PCNX2: variants seen among roughly 807,000 people sequenced by gnomAD.
PCNX2 encodes the protein pecanex-like protein 2.
Under a neutral mutation model 223.8 loss-of-function variants are expected in PCNX2, and 168 were observed. The observed-to-expected ratio is 0.75, with a 90% confidence interval of 0.66 to 0.85. The LOEUF is 0.85. Among genes scored for constraint, PCNX2 ranks in the 40% least tolerant of loss-of-function variants. PCNX2 has a pLI of 0.00. For missense variants in PCNX2, 2,507 were observed against 2,675.5 expected, an observed-to-expected ratio of 0.94 and a Z score of 1.39; for synonymous variants, 1,006 against 1,052.6, an observed-to-expected ratio of 0.96 and a Z score of 0.86.
chr1:233,058,665 C>CTTTTTTTTTTTTTT (rs771648037), intron 23 of PCNX2: 5 of 119,806 alleles, frequency 4.2e-5, no homozygotes, highest in Admixed American at 8.7e-5. Context: ...CTTTTCTTTT[C>CTTTTTTTTTTTTTT]TTTTTTTTTT....
the PCNX2 span, among the ~76,000 whole-genome samples, chr1:233,308,465 C>CAA: frequency 1.9e-4 from 28 of 145,550 alleles, no homozygotes; most frequent in African/African-American, 5.0e-4. Context: ...TTTAAAAAAA[C>CAA]AAAAAAAAGA....
At position 233,169,536 on chromosome 1, in the gene PCNX2, A is replaced by T. The variant is rs533403946; in HGVS notation, c.3274-8173T>A. On this transcript the variant is annotated intron_variant, in intron 17 of 33. Transcript: ENST00000258229. ...GGCGCGCGCCTGTAGTCCCAGCTAC[A>T]CGGGAGGCTGAGGCAGGAGAATGGC... Among the ~76,000 whole-genome samples the T allele has an allele frequency of 6.9e-3, 1,036 of 150,870 alleles. 8 individuals carry two copies. The highest frequency in any genetic ancestry group is 0.031 in the Middle Eastern group (9 of 294).
intron 1 of PCNX2, chr1:233,285,181 C>T (rs544986083): frequency 3.4e-5 from 6 of 175,944 alleles, no homozygotes; most frequent in South Asian, 1.9e-4. Context: ...AGCAAGACCC[C>T]GTCTCTACAA....
intron 21 of PCNX2, among the ~76,000 whole-genome samples, chr1:233,125,493 G>C (rs1166963804): frequency 1.4e-4 from 22 of 152,150 alleles, no homozygotes; most frequent in Admixed American, 1.4e-3. Flanking sequence ...CTTCTGTGTA[G>C]TCCAATGCAG....
At position 233,139,328 on chromosome 1, in the gene PCNX2, T is replaced by TA. The variant is rs973349771; in HGVS notation, c.3659+385dup. Reference sequence around the variant, plus strand: ...TCCCCCTCCCACAAGCACAAAATGATAGAGTATTTGCTAAATGAAATGACA... The same window carrying TA: ...TCCCCCTCCCACAAGCACAAAATGATAAGAGTATTTGCTAAATGAAATGACA... On this transcript the variant is annotated intron_variant, in intron 20 of 33. Coordinates refer to ENST00000258229, the MANE Select transcript of PCNX2 (RefSeq NM_014801.4). The surrounding 1 kb of genome is among the most constrained non-coding windows in gnomAD (Gnocchi z 4.4). Among the ~76,000 whole-genome samples the TA allele has an allele frequency of 3.2e-4, 49 of 152,264 alleles. No individual in the cohort carries two copies. Among genetic ancestry groups the TA allele is most frequent in the African/African-American group, 1.2e-3 (48 of 41,552 alleles).
chr1:233,037,867 T>C (rs1671511427), intron 25 of PCNX2, among the ~76,000 whole-genome samples: 1 of 152,208 alleles, frequency 6.6e-6, no homozygotes, highest in Admixed American at 6.5e-5. Context: ...TGTGTTATAA[T>C]ACCTTTAAAT....
intron 1 of PCNX2, among the ~76,000 whole-genome samples, chr1:233,266,870 C>T (rs1660356852): frequency 6.6e-6 from 1 of 152,208 alleles, no homozygotes; most frequent in Admixed American, 6.5e-5. Flanking sequence ...CTCATTTGAC[C>T]AAGGTTTTAT....
chr1:233,277,615 A>C (rs1189952553), intron 1 of PCNX2, among the ~76,000 whole-genome samples: 1 of 152,216 alleles, frequency 6.6e-6, no homozygotes, highest in Non-Finnish European at 1.5e-5. Flanking sequence ...AAGCTGTCCT[A>C]TCTTGGCGTC....
chr1:233,030,160 T>C (rs1480983330), intron 25 of PCNX2, among the ~76,000 whole-genome samples: 3 of 152,240 alleles, frequency 2.0e-5, no homozygotes, highest in Non-Finnish European at 4.4e-5. Context: ...GACTGGATAG[T>C]CTCTACAGCC....
intron 10 of PCNX2, among the ~76,000 whole-genome samples, chr1:233,226,786 C>T (rs1323385123): frequency 6.6e-6 from 1 of 151,964 alleles, no homozygotes; most frequent in Non-Finnish European, 1.5e-5. Context: ...GCAGAAATCA[C>T]CCTACTTCAT....
chr1:233,104,784 T>C (rs1162246312), intron 21 of PCNX2, among the ~76,000 whole-genome samples: 1 of 150,416 alleles, frequency 6.6e-6, no homozygotes, highest in East Asian at 2.0e-4. Flanking sequence ...GTCTGATCCA[T>C]GCCAAAAATT....
chr1:233,115,528 G>A (rs1286826354), intron 21 of PCNX2, among the ~76,000 whole-genome samples: 1 of 152,138 alleles, frequency 6.6e-6, no homozygotes, highest in Admixed American at 6.5e-5. Flanking sequence ...CAAATTAAAT[G>A]CTTTCTTACC....
At chr1:233,228,910 T>A (rs1657897502) in intron 9 of PCNX2, among the ~76,000 whole-genome samples, 1 of 152,208 alleles carries the variant, frequency 6.6e-6, no homozygotes, top group African/African-American at 2.4e-5. Flanking sequence ...AGGTTATGAT[T>A]TCCTCTAGGC....
At chr1:233,131,044 T>C (rs1676474974) in intron 21 of PCNX2, among the ~76,000 whole-genome samples, 1 of 152,204 alleles carries the variant, frequency 6.6e-6, no homozygotes, top group Non-Finnish European at 1.5e-5. Flanking sequence ...CTTAAAATAA[T>C]ACTGTGTCCT....
chr1:233,274,576 G>C (rs988556725), intron 1 of PCNX2, among the ~76,000 whole-genome samples: 10 of 152,198 alleles, frequency 6.6e-5, no homozygotes, highest in Non-Finnish European at 1.5e-4. Context: ...CCAAAGTAGA[G>C]TAGCAAGTGC....
intron 10 of PCNX2, among the ~76,000 whole-genome samples, chr1:233,222,063 C>T (rs1275515734): frequency 6.6e-6 from 1 of 151,998 alleles, no homozygotes; most frequent in African/African-American, 2.4e-5. Context: ...ATAAATGCAA[C>T]AGAAAAAAGA....
At chr1:233,247,703 C>T (rs1324399007) in intron 8 of PCNX2, among the ~76,000 whole-genome samples, 1 of 151,968 alleles carries the variant, frequency 6.6e-6, no homozygotes, top group Non-Finnish European at 1.5e-5. Flanking sequence ...CATGGTGAAA[C>T]CCTGTCTCTA....
chr1:233,302,358 G>A, the PCNX2 span, among the ~76,000 whole-genome samples: 1 of 151,858 alleles, frequency 6.6e-6, no homozygotes, highest in African/African-American at 2.4e-5. Flanking sequence ...TAATAAAAAT[G>A]TCTATGCATT....
intron 15 of PCNX2, among the ~76,000 whole-genome samples, chr1:233,179,516 T>C (rs568761155): frequency 7.2e-5 from 11 of 152,350 alleles, no homozygotes; most frequent in Non-Finnish European, 1.0e-4. Flanking sequence ...ATTATAATAA[T>C]TGTATTTCTC....
Sources: allele counts gnomAD v4.1 joint callset (sites outside exome capture counted in the v4.1 genomes callset), GRCh38; gene constraint gnomAD v4.1.1; non-coding constraint Gnocchi (gnomAD v3.1); transcripts MANE v1.5; gene names NCBI Gene and HGNC (gene_info 2026-07-23, HGNC 2026-07-21).